The following LRRC4C variants were observed in gnomAD, a reference collection of about 807,000 sequenced individuals.
LRRC4C encodes the protein leucine rich repeat containing 4C.
A neutral mutation model predicts 33.6 loss-of-function variants in LRRC4C; 5 were observed. The ratio of observed to expected loss-of-function variants is 0.15; its 90% CI spans 0.08 to 0.31. The LOEUF is 0.31. LRRC4C is among the 10% of genes least tolerant of loss of function. The pLI, the probability that LRRC4C is intolerant of heterozygous loss-of-function variation, is 1.00. For missense variants in LRRC4C, 560 were observed against 796.7 expected, an observed-to-expected ratio of 0.70 and a Z score of 3.58; for synonymous variants, 329 against 302.0, an observed-to-expected ratio of 1.09 and a Z score of -0.93.
chr11:41,166,807 AATGAGGGTAAACAAACACATGT>A (rs1944750474), intron 1 of LRRC4C, among the ~76,000 whole-genome samples: 1 of 152,200 alleles, frequency 6.6e-6, no homozygotes, highest in Non-Finnish European at 1.5e-5. Context: ...ATGCCGGAGG[AATGAGGGTAAACAAACACATGT>A]ATGATGCTTA....
chr11:40,759,118 C>A (rs1010981254), intron 2 of LRRC4C, among the ~76,000 whole-genome samples: 10 of 146,492 alleles, frequency 6.8e-5, no homozygotes, highest in Non-Finnish European at 1.3e-4. Context: ...AAAATATCTT[C>A]CTTATGTATG....
chr11:41,410,587 C>A (rs1364609329), intron 1 of LRRC4C, among the ~76,000 whole-genome samples: 1 of 151,668 alleles, frequency 6.6e-6, no homozygotes, highest in Non-Finnish European at 1.5e-5. Context: ...ACTACAGGCG[C>A]CCGCCATCAC....
At chr11:41,292,077 G>A (rs1425717045) in intron 1 of LRRC4C, among the ~76,000 whole-genome samples, 1 of 152,228 alleles carries the variant, frequency 6.6e-6, no homozygotes, top group African/African-American at 2.4e-5. Context: ...CTCCTGCATG[G>A]AACTGAACTT....
intron 1 of LRRC4C, among the ~76,000 whole-genome samples, chr11:41,048,343 C>A (rs535282280): frequency 4.9e-4 from 70 of 143,112 alleles, no homozygotes; most frequent in African/African-American, 1.8e-3. Flanking sequence ...CAGCTCACTG[C>A]AACCTCCGAC....
At chr11:40,660,579 CAT>C (rs1395665021) in intron 2 of LRRC4C, among the ~76,000 whole-genome samples, 1 of 152,176 alleles carries the variant, frequency 6.6e-6, no homozygotes, top group Non-Finnish European at 1.5e-5. Context: ...ACATTTGCCA[CAT>C]GTTGTTGCTG....
rs148152498 is a variant in LRRC4C at position 40,171,429 on chromosome 11, G to T, written c.-95-30576C>A. On this transcript the variant is annotated intron_variant, in intron 5 of 6. Coordinates refer to ENST00000528697, the MANE Select transcript of LRRC4C (RefSeq NM_001258419.2). ...CTGGAACCATCTAGAAACCCCTGTA[G>T]ATAGGGCAGGATTGTTTGCTAAATA... 2.6e-4 allele frequency among the ~76,000 whole-genome samples: 39 copies of T among 152,278 alleles called. No homozygotes were observed. The East Asian group carries it at 7.3e-3, about 29-fold the overall frequency.
chr11:41,400,196 T>A (rs1032674604), intron 1 of LRRC4C, among the ~76,000 whole-genome samples: 1 of 151,888 alleles, frequency 6.6e-6, no homozygotes, highest in Non-Finnish European at 1.5e-5. Context: ...CAGACATTAG[T>A]TTTAGTAAGA....
chr11:40,824,653 G>A (rs1359713247), intron 2 of LRRC4C, among the ~76,000 whole-genome samples: 1 of 151,654 alleles, frequency 6.6e-6, no homozygotes, highest in Non-Finnish European at 1.5e-5. Flanking sequence ...CTTCTTAATC[G>A]AAGTACCCCA....
intron 1 of LRRC4C, among the ~76,000 whole-genome samples, chr11:41,351,415 A>T (rs1170415675): frequency 1.3e-5 from 2 of 152,208 alleles, no homozygotes; most frequent in Non-Finnish European, 2.9e-5. Context: ...CTTAGAAAAC[A>T]TATTGAAGGA....
intron 1 of LRRC4C, among the ~76,000 whole-genome samples, chr11:41,014,571 T>C (rs891479142): frequency 2.0e-5 from 3 of 151,852 alleles, no homozygotes; most frequent in Non-Finnish European, 4.4e-5. Flanking sequence ...TTGGTTATAA[T>C]GGAAGATAAA....
At chr11:40,751,870 G>A (rs1211221977) in intron 2 of LRRC4C, among the ~76,000 whole-genome samples, 1 of 152,072 alleles carries the variant, frequency 6.6e-6, no homozygotes, top group Non-Finnish European at 1.5e-5. Flanking sequence ...CTAGGCTACA[G>A]TAACCAAAAA....
At chr11:40,399,148 A>G (rs1949660760) in intron 3 of LRRC4C, among the ~76,000 whole-genome samples, 1 of 152,154 alleles carries the variant, frequency 6.6e-6, no homozygotes. Flanking sequence ...TAGTGTCCAT[A>G]GAAATACCAT....
At chr11:40,298,333 T>G (rs1048495123) in intron 4 of LRRC4C, among the ~76,000 whole-genome samples, 3 of 151,500 alleles carry the variant, frequency 2.0e-5, no homozygotes, top group Non-Finnish European at 4.4e-5. Context: ...TGGTCAGAAA[T>G]TGGTTAAGTG....
intron 1 of LRRC4C, among the ~76,000 whole-genome samples, chr11:41,089,283 C>T (rs1940229074): frequency 6.6e-6 from 1 of 151,884 alleles, no homozygotes; most frequent in South Asian, 2.1e-4. Context: ...GTAATTCTTC[C>T]CAGTGGCCAC....
intron 4 of LRRC4C, among the ~76,000 whole-genome samples, chr11:40,243,193 T>C (rs1339645640): frequency 6.6e-6 from 1 of 152,230 alleles, no homozygotes; most frequent in Non-Finnish European, 1.5e-5. Flanking sequence ...TTAAGTTTTA[T>C]GTGTTCAAAT....
rs190467094 is a variant in LRRC4C, at chr11:40,369,526, T to C, written c.-269-49805A>G. On this transcript the variant is annotated intron_variant, in intron 3 of 6. Coordinates refer to ENST00000528697, the MANE Select transcript of LRRC4C (RefSeq NM_001258419.2). ...GCTAATTTTGTATTTTTAGTGGAGA[T>C]GGGGTTTCTTCATCTTGGTCAGGCT... is the stretch of plus-strand genomic sequence containing the variant. Among the ~76,000 whole-genome samples the C allele has an allele frequency of 8.8e-4, 134 of 152,278 alleles. 7 individuals carry two copies. In the East Asian group the frequency reaches 0.026, roughly 29 times the overall value.
At chr11:40,826,473 T>G (rs1591818319) in intron 2 of LRRC4C, among the ~76,000 whole-genome samples, 1 of 151,860 alleles carries the variant, frequency 6.6e-6, no homozygotes, top group African/African-American at 2.4e-5. Flanking sequence ...TGCCCAAGGG[T>G]ATGTGCCATA....
intron 1 of LRRC4C, among the ~76,000 whole-genome samples, chr11:41,190,596 C>T (rs1467468599): frequency 2.0e-5 from 3 of 152,170 alleles, no homozygotes; most frequent in Non-Finnish European, 2.9e-5. Context: ...ACCCAGTCCT[C>T]ACCAATGCGG....
chr11:40,733,061 GTTTTTTTTTTTTTTTTTTT>G (rs544471413), intron 2 of LRRC4C, among the ~76,000 whole-genome samples: 2 of 57,602 alleles, frequency 3.5e-5, no homozygotes, highest in Non-Finnish European at 6.0e-5. Flanking sequence ...TATGAATATA[GTTTTTTTTTTTTTTTTTTT>G]TTTTTTTTTT....
Sources: gnomAD v4.1 joint callset for allele counts (sites outside exome capture counted in the v4.1 genomes callset) on GRCh38, gnomAD v4.1.1 for gene constraint, MANE v1.5 for transcripts, NCBI Gene and HGNC (gene_info 2026-07-23, HGNC 2026-07-21) for gene names.